The following PLAGL1 variants were observed in gnomAD, a reference collection of about 807,000 sequenced individuals.
PLAGL1 encodes PLAG1 like zinc finger 1, also known as zinc finger protein PLAGL1.
A neutral mutation model predicts 4.6 loss-of-function variants in PLAGL1; 1 was observed. That is an observed-to-expected ratio of 0.22 (90% CI 0.08 to 1.03). PLAGL1 has a LOEUF of 1.03. Ranked by LOEUF, PLAGL1 falls within the 50% of genes least tolerant of loss-of-function variation. The pLI is 0.58. For missense variants in PLAGL1, 464 were observed against 570.4 expected, an observed-to-expected ratio of 0.81 and a Z score of 1.90; for synonymous variants, 240 against 237.8, an observed-to-expected ratio of 1.01 and a Z score of -0.08.
intron 1 of PLAGL1, among the ~76,000 whole-genome samples, chr6:143,988,750 A>G (rs987027540): frequency 6.6e-6 from 1 of 152,142 alleles, no homozygotes; most frequent in Non-Finnish European, 1.5e-5. Flanking sequence ...CCAACTGTCT[A>G]CTGCTGGCTC....
upstream of PLAGL1, among the ~76,000 whole-genome samples, chr6:144,010,330 AC>A (rs1795080406): frequency 2.0e-5 from 3 of 152,214 alleles, no homozygotes; most frequent in Non-Finnish European, 2.9e-5. The surrounding 1 kb of genome is among the most constrained non-coding windows in gnomAD (Gnocchi z 4.1). Flanking sequence ...GAGAGCCAAC[AC>A]ATGAGTGAAC....
In PLAGL1 at chr6:143,994,455, C is replaced by A. The variant is rs552292862; in HGVS notation, c.-583-9281G>T. Among the ~76,000 whole-genome samples, 8 of 152,298 alleles carry A rather than the reference C, an allele frequency of 5.3e-5. No individual in the cohort carries two copies. Among genetic ancestry groups the A allele is most frequent in the African/African-American group, 1.2e-4 (5 of 41,548 alleles). On this transcript the variant is annotated intron_variant, in intron 1 of 7. Transcript: ENST00000674357. The surrounding 1 kb of genome is among the most constrained non-coding windows in gnomAD (Gnocchi z 4.3). The stretch of plus-strand genomic sequence containing the variant: ...ATGTGACAAGGTATTACCATTAAAG[C>A]GTATGACACTGATTTTACACTCTGC...
At position 143,985,982 on chromosome 6, in the gene PLAGL1, T is replaced by TTATATATATATATATATA. The variant is rs55768066; in HGVS notation, c.-583-826_-583-809dup. Among the ~76,000 whole-genome samples, 1,515 of 111,342 alleles carry TTATATATATATATATATA rather than the reference T, an allele frequency of 0.014. 101 individuals carry two copies. Among genetic ancestry groups the TTATATATATATATATATA allele is most frequent in the Middle Eastern group, 0.027 (6 of 226 alleles). The allele number at this position is 111,342 out of a possible 152,430, so 73.0% of individuals were successfully genotyped here. A position where few individuals can be genotyped will look rare whatever the true frequency, so the allele number is the denominator to read the frequency against. On this transcript the variant is annotated intron_variant, in intron 1 of 7. Coordinates refer to ENST00000674357, the MANE Select transcript of PLAGL1 (RefSeq NM_001317162.2). The surrounding 1 kb of genome is among the most constrained non-coding windows in gnomAD (Gnocchi z 4.4). ...TATATCAAATTATATATATATAAAA[T>TTATATATATATATATATA]TATATATATATATATATATATATAT...
Position 143,972,412 on chromosome 6 carries a change from T to C in PLAGL1, c.-543-3434A>G, listed in dbSNP as rs576837770. ...AAGTGAGGGGAGATGTGAAAGAAGG[T>C]ATCTCAGAGATGTTTCCTTGTGATA... On this transcript the variant is annotated intron_variant, in intron 2 of 7. Transcript: ENST00000674357. This position sits in a 1 kb window ranked among gnomAD's most constrained non-coding sequence, Gnocchi z 6.8. Among the ~76,000 whole-genome samples, 116 of 152,326 alleles carry C rather than the reference T, an allele frequency of 7.6e-4. No homozygotes were observed. Among genetic ancestry groups the C allele is most frequent in the Non-Finnish European group, 1.4e-3 (95 of 68,020 alleles).
At chr6:143,976,526 C>CT (rs1049793641) in intron 2 of PLAGL1, among the ~76,000 whole-genome samples, 2 of 152,008 alleles carry the variant, frequency 1.3e-5, no homozygotes, top group Non-Finnish European at 2.9e-5. Flanking sequence ...ACTGCTTATT[C>CT]TTATATTGCA....
rs1798866157 is a variant in PLAGL1 at position 144,055,027 on chromosome 6, T to C, written c.-151+9441A>G. 6.6e-6 allele frequency among the ~76,000 whole-genome samples: 1 copy of C among 152,184 alleles called. No individual in the cohort carries two copies. The highest frequency in any genetic ancestry group is 1.5e-5 in the Non-Finnish European group (1 of 68,044). ...GAAAATGCATTAACCCAGCACCTTT[T>C]CAACATGAATTGTCATAATAAAGGA... is the stretch of plus-strand genomic sequence containing the variant. On this transcript the variant is annotated intron_variant, in intron 1 of 3. Transcript: ENST00000437412. The surrounding 1 kb of genome is among the most constrained non-coding windows in gnomAD (Gnocchi z 5.0).
chr6:143,982,039 C>A lies in PLAGL1; in HGVS notation c.-544+3096G>T, dbSNP rs1788073375. Among the ~76,000 whole-genome samples, 1 of 152,060 alleles carries A rather than the reference C, an allele frequency of 6.6e-6. No homozygotes were observed. The highest frequency in any genetic ancestry group is 2.1e-4 in the South Asian group (1 of 4,818). ...GATTCACCACTGTGAACAAAACACG[C>A]AAAAATTCCTACCCTTGTGAAGCGC... On this transcript the variant is annotated intron_variant, in intron 2 of 7. Transcript: ENST00000674357. The surrounding 1 kb of genome is among the most constrained non-coding windows in gnomAD (Gnocchi z 5.3).
rs1408886192 is a variant in PLAGL1 at position 143,967,000 on chromosome 6, A to C, written c.-471-802T>G. Reference sequence around the variant, plus strand: ...CTACTTAATACTAGGTTGTGTTCCTACAGTTAGTTAAAAAACCAACCAGCT... The same window carrying C: ...CTACTTAATACTAGGTTGTGTTCCTCCAGTTAGTTAAAAAACCAACCAGCT... On this transcript the variant is annotated intron_variant, in intron 3 of 7. Transcript: ENST00000674357. This position sits in a 1 kb window ranked among gnomAD's most constrained non-coding sequence, Gnocchi z 6.0. 6.6e-6 allele frequency: 1 copy of C among 152,182 alleles called. No individual in the cohort carries two copies. The highest frequency in any genetic ancestry group is 2.4e-5 in the African/African-American group (1 of 41,448). The allele number at this position is 152,182 out of a possible 1,614,324, so 9.4% of individuals were successfully genotyped here.
Position 144,050,959 on chromosome 6 carries a change from T to C in PLAGL1, c.-151+13509A>G, listed in dbSNP as rs1032582536. On this transcript the variant is annotated intron_variant, in intron 1 of 3. Transcript: ENST00000437412. The surrounding 1 kb of genome is among the most constrained non-coding windows in gnomAD (Gnocchi z 4.3). ...TCTGTTACTCTTTTATTACCAATAATATCTTCAGGCAAAATCTGCTGACAA... is the reference window on the plus strand; with the variant it reads ...TCTGTTACTCTTTTATTACCAATAACATCTTCAGGCAAAATCTGCTGACAA... 6.6e-6 allele frequency among the ~76,000 whole-genome samples: 1 copy of C among 152,228 alleles called. No homozygotes were observed. Among genetic ancestry groups the C allele is most frequent in the Non-Finnish European group, 1.5e-5 (1 of 68,036 alleles).
intron 1 of PLAGL1, chr6:144,037,811 T>C (rs998509521): frequency 1.4e-4 from 21 of 152,236 alleles, no homozygotes; most frequent in African/African-American, 5.1e-4. Flanking sequence ...TGTTGTGCTA[T>C]TGTACATAGA....
intron 1 of PLAGL1, among the ~76,000 whole-genome samples, chr6:144,001,256 C>A (rs1792814094): frequency 6.6e-6 from 1 of 151,724 alleles, no homozygotes. Flanking sequence ...AATGCCAAAG[C>A]TGGAACAATT....
intron 2 of PLAGL1, among the ~76,000 whole-genome samples, chr6:143,977,063 C>G (rs6900923): frequency 0.77 from 115,352 of 149,900 alleles, 44,656 homozygotes; most frequent in East Asian, 0.88. Flanking sequence ...CCTGTTACAG[C>G]AATTTCCCAT....
rs1783794853 is a variant in PLAGL1 at position 143,963,450 on chromosome 6, A to G, written c.-399+1337T>C. 6.6e-6 allele frequency among the ~76,000 whole-genome samples: 1 copy of G among 152,194 alleles called. No homozygotes were observed. The highest frequency in any genetic ancestry group is 6.5e-5 in the Admixed American group (1 of 15,282). On this transcript the variant is annotated intron_variant, in intron 5 of 7. Transcript: ENST00000674357. This position sits in a 1 kb window ranked among gnomAD's most constrained non-coding sequence, Gnocchi z 6.1. ...GGCACCGCTATGCAATAGCCATCAG[A>G]GCTCCCGGATCCTCACCAGGTGATG...
At chr6:144,041,114 T>C (rs1302487061) in intron 1 of PLAGL1, among the ~76,000 whole-genome samples, 1 of 152,098 alleles carries the variant, frequency 6.6e-6, no homozygotes, top group Non-Finnish European at 1.5e-5. Flanking sequence ...TTAACAGTAG[T>C]AGTAGCCATA....
chr6:144,054,776 A>AGTGTGTGTGTGTGT lies in PLAGL1; in HGVS notation c.-151+9678_-151+9691dup, dbSNP rs55975441. On this transcript the variant is annotated intron_variant, in intron 1 of 3. Coordinates refer to the PLAGL1 transcript ENST00000437412. ...AAAAGAAAAAGAAAAACTAAAAAAG[A>AGTGTGTGTGTGTGT]GTGTGTGTGTGTGTGTGTGTGTGTG... Among the ~76,000 whole-genome samples, 509 of 142,272 alleles carry AGTGTGTGTGTGTGT rather than the reference A, an allele frequency of 3.6e-3. 1 individual carries two copies. Among genetic ancestry groups the AGTGTGTGTGTGTGT allele is most frequent in the Non-Finnish European group, 6.1e-3 (393 of 64,630 alleles). The allele number at this position is 142,272 out of a possible 152,430, so 93.3% of individuals were successfully genotyped here. A position where few individuals can be genotyped will look rare whatever the true frequency, so the allele number is the denominator to read the frequency against.
intron 1 of PLAGL1, among the ~76,000 whole-genome samples, chr6:143,986,666 A>G (rs1024241855): frequency 4.6e-5 from 7 of 152,220 alleles, no homozygotes; most frequent in African/African-American, 1.4e-4. Flanking sequence ...AACTTTCTGT[A>G]GGTTTATTAG....
At position 143,983,606 on chromosome 6, in the gene PLAGL1, A is replaced by G. The variant is rs1788415292; in HGVS notation, c.-544+1529T>C. ...TCAGCAAACAAAGGCACTGGGATAT[A>G]GATGGCTAAGTACAACAAAGCAAAG... On this transcript the variant is annotated intron_variant, in intron 2 of 7. Transcript: ENST00000674357. This position sits in a 1 kb window ranked among gnomAD's most constrained non-coding sequence, Gnocchi z 6.6. Among the ~76,000 whole-genome samples the G allele has an allele frequency of 3.9e-5, 6 of 152,174 alleles. No individual in the cohort carries two copies. The highest frequency in any genetic ancestry group is 3.9e-4 in the Admixed American group (6 of 15,266).
Position 144,013,545 on chromosome 6 carries a change from G to A in PLAGL1, c.-150-44567C>T, listed in dbSNP as rs1464905023. Among the ~76,000 whole-genome samples, 1 of 152,184 alleles carries A rather than the reference G, an allele frequency of 6.6e-6. No homozygotes were observed. The highest frequency in any genetic ancestry group is 6.5e-5 in the Admixed American group (1 of 15,278). The stretch of plus-strand genomic sequence containing the variant: ...GCATAAAACATGAAATTTATTTTCT[G>A]AGTCCGAAAGGCCAGAAGTCTGAAA... On this transcript the variant is annotated intron_variant, in intron 1 of 3. Transcript: ENST00000437412. This position sits in a 1 kb window ranked among gnomAD's most constrained non-coding sequence, Gnocchi z 4.4.
Position 143,948,632 on chromosome 6 carries a change from G to C in PLAGL1, c.-324-172C>G, listed in dbSNP as rs746778342. Among the ~76,000 whole-genome samples the C allele has an allele frequency of 4.5e-4, 68 of 152,250 alleles. No homozygotes were observed. The highest frequency in any genetic ancestry group is 9.1e-4 in the Non-Finnish European group (62 of 68,024). Reference sequence around the variant, plus strand: ...ATCTGCATACAAGTCTACACTTTTGGCTTCTCAGAGGGTGAGGAGTCAAGC... The same window carrying C: ...ATCTGCATACAAGTCTACACTTTTGCCTTCTCAGAGGGTGAGGAGTCAAGC... On this transcript the variant is annotated intron_variant, in intron 6 of 7. Coordinates refer to ENST00000674357, the MANE Select transcript of PLAGL1 (RefSeq NM_001317162.2). This position sits in a 1 kb window ranked among gnomAD's most constrained non-coding sequence, Gnocchi z 6.0.
Sources: gnomAD v4.1 joint callset for allele counts (sites outside exome capture counted in the v4.1 genomes callset) on GRCh38, gnomAD v4.1.1 for gene constraint, Gnocchi (gnomAD v3.1) non-coding constraint, MANE v1.5 for transcripts, NCBI Gene and HGNC (gene_info 2026-07-23, HGNC 2026-07-21) for gene names.